The following AKAP13 variants were observed in gnomAD, a reference collection of about 807,000 sequenced individuals.
The protein encoded by AKAP13 is A-kinase anchor protein 13.
A neutral mutation model predicts 264.5 loss-of-function variants in AKAP13; 80 were observed. That is an observed-to-expected ratio of 0.30 (90% CI 0.25 to 0.36). The LOEUF is 0.36. Among genes scored for constraint, AKAP13 ranks in the 10% least tolerant of loss-of-function variants. The probability of loss-of-function intolerance (pLI) is 1.00; values close to 1 mark genes in which losing one functional copy is unlikely to be tolerated. For missense variants in AKAP13, 3,712 were observed against 3,435.2 expected, an observed-to-expected ratio of 1.08 and a Z score of -2.01; for synonymous variants, 1,380 against 1,250.2, an observed-to-expected ratio of 1.10 and a Z score of -2.19.
chr15:85,623,112 A>G (rs774811893), intron 8 of AKAP13, among the ~76,000 whole-genome samples: 2 of 152,188 alleles, frequency 1.3e-5, no homozygotes, highest in Non-Finnish European at 2.9e-5. Context: ...CAGTGTTTTA[A>G]AAACTATAGT....
chr15:85,608,783 A>G (rs1012578222), intron 8 of AKAP13, among the ~76,000 whole-genome samples: 2 of 152,204 alleles, frequency 1.3e-5, no homozygotes, highest in African/African-American at 4.8e-5. Flanking sequence ...TTGAAGAACA[A>G]TAGAAAATGA....
chr15:85,482,503 A>G (rs2075382058), intron 1 of AKAP13, among the ~76,000 whole-genome samples: 1 of 152,186 alleles, frequency 6.6e-6, no homozygotes, highest in Non-Finnish European at 1.5e-5. Flanking sequence ...AGCTGAATTA[A>G]CAATGTCAGG....
chr15:85,661,206 A>G (rs1030144168), intron 12 of AKAP13, among the ~76,000 whole-genome samples: 1 of 152,204 alleles, frequency 6.6e-6, no homozygotes, highest in Non-Finnish European at 1.5e-5. Context: ...AGAACACACA[A>G]TATTTTGAAT....
intron 7 of AKAP13, among the ~76,000 whole-genome samples, chr15:85,585,092 G>A (rs922018839): frequency 3.3e-5 from 5 of 152,174 alleles, no homozygotes; most frequent in South Asian, 2.1e-4. Flanking sequence ...GCGCAGAAAC[G>A]TTTCTCTTAA....
At chr15:85,599,070 A>C (rs1360185493) in intron 8 of AKAP13, among the ~76,000 whole-genome samples, 1 of 152,236 alleles carries the variant, frequency 6.6e-6, no homozygotes, top group African/African-American at 2.4e-5. Flanking sequence ...GGAGGGAAAT[A>C]GAGCTCTGGC....
intron 1 of AKAP13, among the ~76,000 whole-genome samples, chr15:85,395,738 C>A (rs1419860599): frequency 6.6e-6 from 1 of 151,812 alleles, no homozygotes; most frequent in Non-Finnish European, 1.5e-5. Flanking sequence ...TTGAGTTGTA[C>A]TGTTTTTGGT....
chr15:85,719,653 T>C (rs1345381746), intron 23 of AKAP13, among the ~76,000 whole-genome samples: 1 of 152,142 alleles, frequency 6.6e-6, no homozygotes, highest in African/African-American at 2.4e-5. Flanking sequence ...TCAATTAATA[T>C]GGCCAGGCAC....
intron 5 of AKAP13, among the ~76,000 whole-genome samples, chr15:85,565,814 A>G (rs1167440660): frequency 6.6e-6 from 1 of 152,214 alleles, no homozygotes; most frequent in Non-Finnish European, 1.5e-5. Flanking sequence ...CCTGTCACAC[A>G]TAGCCACTCT....
intron 35 of AKAP13, 31 bp downstream of exon 35, chr15:85,741,526 A>G (rs2088962284): frequency 3.3e-6 from 5 of 1,538,218 alleles, no homozygotes; most frequent in Non-Finnish European, 4.4e-6. Flanking sequence ...GAGCAACCTA[A>G]TGATGATATT....
Position 85,669,728 on chromosome 15 carries a change from C to A in AKAP13, c.4999C>A (p.His1667Asn). 2 of 1,608,256 alleles carry A rather than the reference C, an allele frequency of 1.2e-6. No individual in the cohort carries two copies. Among genetic ancestry groups the A allele is most frequent in the South Asian group, 1.1e-5 (1 of 90,894 alleles). ...EHRMFDQQIC[H>N]RSKQQGFNYC... is the part of the protein sequence containing the mutation. Reference sequence around the variant, plus strand: ...TCACTTTTTTACTTCACAGATATGTCACAGATCTAAGCAGCAGGGATTTAA... The same window carrying A: ...TCACTTTTTTACTTCACAGATATGTAACAGATCTAAGCAGCAGGGATTTAA... Residue 1667 changes from histidine to asparagine, a missense_variant, in exon 14 of 37, where the codon CAC (histidine) becomes AAC (asparagine). Physicochemically the swap from His to Asn is moderately conservative, Grantham distance 68 (BLOSUM62 1). Around this residue, in one of 3 missense-constraint regions of AKAP13, gnomAD observed 2,759 missense variants for 2,411.7 expected, o/e 1.14. Coordinates refer to ENST00000394518, the MANE Select transcript of AKAP13 (RefSeq NM_007200.5).
intron 8 of AKAP13, among the ~76,000 whole-genome samples, chr15:85,613,971 A>C (rs2080827198): frequency 6.6e-6 from 1 of 152,270 alleles, no homozygotes; most frequent in South Asian, 2.1e-4. Flanking sequence ...CAAAATCACA[A>C]GATTATAGTT....
At chr15:85,696,496 G>A (rs1364852309) in intron 17 of AKAP13, among the ~76,000 whole-genome samples, 1 of 152,112 alleles carries the variant, frequency 6.6e-6, no homozygotes, top group African/African-American at 2.4e-5. Flanking sequence ...TTAAATAAGA[G>A]CTGTAAAATC....
chr15:85,685,226 C>G (rs991503069), intron 16 of AKAP13: 1 of 165,848 alleles, frequency 6.0e-6, no homozygotes, highest in Non-Finnish European at 1.3e-5. Flanking sequence ...GTTTCAAATC[C>G]CATACTCTTA....
chr15:85,499,570 A>G (rs2151088763), intron 2 of AKAP13, among the ~76,000 whole-genome samples: 1 of 152,314 alleles, frequency 6.6e-6, no homozygotes, highest in African/African-American at 2.4e-5. Context: ...CTTCAGGTAA[A>G]CCAATTCCAA....
chr15:85,662,583 C>A, intron 12 of AKAP13: 3 of 995,306 alleles, frequency 3.0e-6, no homozygotes, highest in Non-Finnish European at 3.1e-6. Context: ...GTGAGCACAG[C>A]ATTTCATTGC....
intron 1 of AKAP13, among the ~76,000 whole-genome samples, chr15:85,453,398 G>C (rs1335885872): frequency 1.3e-5 from 2 of 152,180 alleles, no homozygotes; most frequent in Non-Finnish European, 2.9e-5. Context: ...GTATACTTGA[G>C]GCCTGCAGCA....
intron 2 of AKAP13, among the ~76,000 whole-genome samples, chr15:85,487,992 G>T (rs977354156): frequency 6.6e-6 from 1 of 152,232 alleles, no homozygotes; most frequent in Non-Finnish European, 1.5e-5. Context: ...CGATCTCCCA[G>T]GCTCAAATGC....
chr15:85,539,594 A>C lies in AKAP13; in HGVS notation c.479-4178A>C, dbSNP rs2063222579. 2.0e-5 allele frequency among the ~76,000 whole-genome samples: 3 copies of C among 152,198 alleles called. No individual in the cohort carries two copies. In the South Asian group the frequency reaches 6.2e-4, roughly 32 times the overall value. The stretch of plus-strand genomic sequence containing the variant: ...TTTTACTTAGAGAATCTGACCATTT[A>C]TAAAAGATACAACCCTCTAGCAGGC... On this transcript the variant is annotated intron_variant, in intron 4 of 36. Coordinates refer to ENST00000394518, the MANE Select transcript of AKAP13 (RefSeq NM_007200.5).
intron 14 of AKAP13, among the ~76,000 whole-genome samples, chr15:85,672,334 C>T (rs572099390): frequency 2.3e-4 from 35 of 152,320 alleles, no homozygotes; most frequent in African/African-American, 7.7e-4. Context: ...CTCCTATATA[C>T]AATTAAAATA....
Sources: allele counts gnomAD v4.1 joint callset (sites outside exome capture counted in the v4.1 genomes callset), GRCh38; gene constraint gnomAD v4.1.1; regional missense constraint gnomAD v4.1.1; transcripts MANE v1.5; gene names NCBI Gene and HGNC (gene_info 2026-07-23, HGNC 2026-07-21).